Variants in HTR2C observed in about 807,000 individuals in gnomAD.
HTR2C encodes 5-hydroxytryptamine receptor 2C, also known as 5-hydroxytryptamine (serotonin) receptor 2C, G protein-coupled.
Under a neutral mutation model 21.0 loss-of-function variants are expected in HTR2C, and 5 were observed. The ratio of observed to expected loss-of-function variants is 0.24; its 90% CI spans 0.12 to 0.50. The LOEUF (loss-of-function observed/expected upper bound fraction) is 0.50, where lower values mean the gene tolerates loss of function less well. HTR2C is among the 20% of genes least tolerant of loss of function. HTR2C has a pLI of 0.98. For missense variants in HTR2C, 271 were observed against 371.2 expected (o/e 0.73, Z 2.22); for synonymous variants, 150 against 145.3 (o/e 1.03, Z -0.23).
chrX:114,885,690 T>C (rs904587775), intron 5 of HTR2C, among the ~76,000 whole-genome samples: 15 of 111,820 alleles, frequency 1.3e-4, no homozygotes, highest in Non-Finnish European at 2.5e-4. Flanking sequence ...TTCATTTTAC[T>C]CATTTAGGTT....
rs781900558 is a variant in HTR2C, at chrX:114,869,297, A to T, written c.550+21094A>T. On this transcript the variant is annotated intron_variant, in intron 5 of 5. Transcript: ENST00000276198. The stretch of plus-strand genomic sequence containing the variant: ...TGCTCTTGTGAATAGTGCCACAATA[A>T]ACATATGTGTGCATGTGTCTTTATA... 6.3e-5 allele frequency among the ~76,000 whole-genome samples: 7 copies of T among 111,875 alleles called. No homozygotes were observed. The South Asian group carries it at 2.6e-3, about 42-fold the overall frequency.
chrX:114,814,002 G>A (rs1359087402), intron 4 of HTR2C, among the ~76,000 whole-genome samples: 3 of 111,232 alleles, frequency 2.7e-5, no homozygotes, highest in Non-Finnish European at 3.8e-5. Flanking sequence ...TTAACTCTGT[G>A]TGTGGAGGTT....
chrX:114,906,968 G>A lies in HTR2C; in HGVS notation c.930G>A (p.Ser310=), dbSNP rs1183790629. The change falls in exon 6 of 6, where the codon TCG becomes TCA. Residue 310 remains serine, a synonymous_variant. Transcript: ENST00000276198. ...MQAINNERKA[S]KVLGIVFFVF... is the part of the protein sequence containing the mutation. ...CTATCAACAATGAAAGAAAAGCTTC[G>A]AAAGTCCTTGGGATTGTTTTCTTTG... 6.6e-6 allele frequency: 8 copies of A among 1,209,047 alleles called. No individual in the cohort carries two copies. In the African/African-American group the frequency reaches 7.0e-5, roughly 11 times the overall value.
At chrX:114,823,442 A>G (rs1556457061) in intron 4 of HTR2C, 1 of 344,281 alleles carries the variant, frequency 2.9e-6, no homozygotes, top group East Asian at 9.4e-5. Flanking sequence ...GCAGCAGTTC[A>G]TCTTCGCATG....
chrX:114,901,246 G>A (rs782684178), intron 5 of HTR2C, among the ~76,000 whole-genome samples: 4 of 112,074 alleles, frequency 3.6e-5, no homozygotes, highest in African/African-American at 1.3e-4. Context: ...TGAATTCAAG[G>A]TTTTAAGAAA....
chrX:114,596,174 T>C (rs192647513), intron 1 of HTR2C, among the ~76,000 whole-genome samples: 1 of 112,493 alleles, frequency 8.9e-6, no homozygotes, highest in East Asian at 2.8e-4. Context: ...TACCCTGGAT[T>C]TAAACATTTA....
In HTR2C at chrX:114,638,499, G is replaced by GTTTGTTTATTTATTTATTTATTTA. The variant is rs1484669328; in HGVS notation, c.-80+24621_-80+24622insGTTTATTTATTTATTTATTTATTT. Among the ~76,000 whole-genome samples, 11 of 100,749 alleles carry GTTTGTTTATTTATTTATTTATTTA rather than the reference G, an allele frequency of 1.1e-4. 1 individual carries two copies. In the South Asian group the frequency reaches 4.9e-3, roughly 45 times the overall value. The allele number at this position is 100,749 out of a possible 115,157, so 87.5% of individuals were successfully genotyped here. A position where few individuals can be genotyped will look rare whatever the true frequency, so the allele number is the denominator to read the frequency against. ...TATGTTTTTGACCATTATGTAATACGTTTATTTATTTATTTATTTATTATT... is the reference window on the plus strand; with the variant it reads ...TATGTTTTTGACCATTATGTAATACGTTTGTTTATTTATTTATTTATTTATTTATTTATTTATTTATTTATTATT... On this transcript the variant is annotated intron_variant, in intron 2 of 5. Transcript: ENST00000276198.
intron 4 of HTR2C, among the ~76,000 whole-genome samples, chrX:114,742,022 A>G (rs1257460583): frequency 1.8e-5 from 2 of 111,236 alleles, no homozygotes; most frequent in African/African-American, 6.5e-5. Context: ...AGGAGTCTCT[A>G]TGGTCTCCCT....
At chrX:114,711,437 A>G (rs1932890463) in intron 2 of HTR2C, among the ~76,000 whole-genome samples, 1 of 111,809 alleles carries the variant, frequency 8.9e-6, no homozygotes, top group Non-Finnish European at 1.9e-5. Context: ...TTTAGACATT[A>G]TACTAATTTA....
At chrX:114,810,822 G>A (rs1473112613) in intron 4 of HTR2C, among the ~76,000 whole-genome samples, 1 of 108,953 alleles carries the variant, frequency 9.2e-6, no homozygotes, top group Non-Finnish European at 1.9e-5. Context: ...GACAATTGCT[G>A]GAGGCTTCTA....
chrX:114,907,553 G>A lies in HTR2C; in HGVS notation c.*138G>A. On this transcript the variant is annotated 3_prime_UTR_variant, in exon 6 of 6. Coordinates refer to ENST00000276198, the MANE Select transcript of HTR2C (RefSeq NM_000868.4). The stretch of plus-strand genomic sequence containing the variant: ...TTTTTACATATAGCTTTGCAACCTT[G>A]TACTTTACAATCATGCCTACATTAG... 1 of 459,418 alleles carries A rather than the reference G, an allele frequency of 2.2e-6. No homozygotes were observed. The highest frequency in any genetic ancestry group is 3.7e-5 in the East Asian group (1 of 27,289). 37.9% of individuals were successfully genotyped at this position (459,418 alleles called of 1,213,427 possible).
chrX:114,609,596 G>T, intron 1 of HTR2C, among the ~76,000 whole-genome samples: 1 of 111,498 alleles, frequency 9.0e-6, no homozygotes, highest in South Asian at 3.7e-4. Flanking sequence ...TGAGTTTAAA[G>T]GACAGTATCG....
At chrX:114,759,635 A>G (rs929216736) in intron 4 of HTR2C, among the ~76,000 whole-genome samples, 10 of 111,417 alleles carry the variant, frequency 9.0e-5, no homozygotes, top group African/African-American at 3.3e-4. Context: ...GTTTCCAAAT[A>G]TTTACATCAT....
At chrX:114,652,439 G>A (rs1411694314) in intron 2 of HTR2C, among the ~76,000 whole-genome samples, 1 of 110,305 alleles carries the variant, frequency 9.1e-6, no homozygotes, top group Non-Finnish European at 1.9e-5. Context: ...TGTTATAAGT[G>A]GAAGAAAAAT....
intron 2 of HTR2C, among the ~76,000 whole-genome samples, chrX:114,707,097 T>G (rs1167555577): frequency 8.9e-6 from 1 of 111,994 alleles, no homozygotes; most frequent in Non-Finnish European, 1.9e-5. Flanking sequence ...GCCAGCCATC[T>G]TAACATCAAC....
chrX:114,592,070 T>C (rs1927656874), intron 1 of HTR2C, among the ~76,000 whole-genome samples: 1 of 111,713 alleles, frequency 9.0e-6, no homozygotes, highest in South Asian at 3.7e-4. Flanking sequence ...CTCTTTGTTA[T>C]AAACAGATAC....
chrX:114,606,721 G>A (rs1425426330), intron 1 of HTR2C, among the ~76,000 whole-genome samples: 9 of 111,731 alleles, frequency 8.1e-5, no homozygotes, highest in African/African-American at 2.3e-4. Flanking sequence ...TCTTTCTCAC[G>A]GAGCAAAGAG....
At chrX:114,715,209 G>A (rs1556419624) in intron 2 of HTR2C, 1 of 338,910 alleles carries the variant, frequency 3.0e-6, no homozygotes, top group African/African-American at 2.6e-5. Flanking sequence ...ATGTCTTGAA[G>A]CCGAGAAGGA....
At chrX:114,725,345 G>C (rs1569488032) in intron 2 of HTR2C, among the ~76,000 whole-genome samples, 1 of 111,510 alleles carries the variant, frequency 9.0e-6, no homozygotes, top group Non-Finnish European at 1.9e-5. Context: ...CGTAGTTCTT[G>C]AGCCTTGGCT....
Sources: gnomAD v4.1 joint callset for allele counts (sites outside exome capture counted in the v4.1 genomes callset) on GRCh38, gnomAD v4.1.1 for gene constraint, MANE v1.5 for transcripts, NCBI Gene and HGNC (gene_info 2026-07-23, HGNC 2026-07-21) for gene names.